The following DNM3 variants were observed in gnomAD, a reference collection of about 807,000 sequenced individuals.
DNM3 encodes dynamin-3.
DNM3 carries 47 observed loss-of-function variants against 101.6 expected under a neutral mutation model. The observed-to-expected ratio is 0.46, with a 90% CI of 0.37 to 0.59. DNM3 has a LOEUF of 0.59. DNM3 is among the 20% of genes least tolerant of loss of function. The probability of loss-of-function intolerance (pLI) is 0.00; values close to 1 mark genes in which losing one functional copy is unlikely to be tolerated. For missense variants in DNM3, 849 were observed against 1,085.7 expected (o/e 0.78, Z 3.06); for synonymous variants, 385 against 387.9 (o/e 0.99, Z 0.09).
At chr1:172,392,414 C>G (rs2069599814) in intron 20 of DNM3, among the ~76,000 whole-genome samples, 1 of 86,244 alleles carries the variant, frequency 1.2e-5, no homozygotes, top group Admixed American at 1.5e-4. Context: ...GTTTGAAAAT[C>G]CAATCCAGTG....
At chr1:172,055,156 A>G (rs2050504230) in intron 10 of DNM3, among the ~76,000 whole-genome samples, 1 of 152,010 alleles carries the variant, frequency 6.6e-6, no homozygotes, top group African/African-American at 2.4e-5. Flanking sequence ...CCTGCTTTTC[A>G]TCTCTAAACT....
intron 13 of DNM3, among the ~76,000 whole-genome samples, chr1:172,107,246 GAAA>G (rs1416897637): frequency 6.6e-6 from 1 of 152,064 alleles, no homozygotes; most frequent in Non-Finnish European, 1.5e-5. Context: ...AAATTAGGGA[GAAA>G]AAAATACTGT....
At chr1:171,877,485 A>C (rs2035887191) in intron 1 of DNM3, among the ~76,000 whole-genome samples, 1 of 152,214 alleles carries the variant, frequency 6.6e-6, no homozygotes, top group African/African-American at 2.4e-5. Flanking sequence ...CTTCGATGGA[A>C]GTCAAGTAGT....
chr1:171,959,287 T>C (rs1173063506), intron 2 of DNM3, among the ~76,000 whole-genome samples: 1 of 152,068 alleles, frequency 6.6e-6, no homozygotes, highest in Non-Finnish European at 1.5e-5. Context: ...ATGTCAAATG[T>C]AGTATTTTGT....
chr1:171,881,441 C>G (rs2036259323), intron 1 of DNM3, among the ~76,000 whole-genome samples: 2 of 152,070 alleles, frequency 1.3e-5, no homozygotes, highest in African/African-American at 4.8e-5. Flanking sequence ...GACGTTTTGT[C>G]TTTTCATGTT....
chr1:171,979,957 A>T (rs765529113), intron 2 of DNM3, among the ~76,000 whole-genome samples: 9 of 152,094 alleles, frequency 5.9e-5, no homozygotes, highest in Admixed American at 5.9e-4. Flanking sequence ...AGAGTACCAG[A>T]GCCCTGATCT....
chr1:172,059,095 A>G (rs1393596767), intron 10 of DNM3, among the ~76,000 whole-genome samples: 1 of 151,934 alleles, frequency 6.6e-6, no homozygotes, highest in Non-Finnish European at 1.5e-5. Context: ...GAAAATCTAG[A>G]AGAAATGGAT....
intron 14 of DNM3, among the ~76,000 whole-genome samples, chr1:172,206,093 T>G (rs2060312610): frequency 6.6e-6 from 1 of 152,150 alleles, no homozygotes; most frequent in African/African-American, 2.4e-5. Flanking sequence ...TTGCATCAAA[T>G]AAGTCTTTAA....
At chr1:172,325,331 A>G (rs1313347386) in intron 17 of DNM3, among the ~76,000 whole-genome samples, 4 of 152,112 alleles carry the variant, frequency 2.6e-5, no homozygotes, top group African/African-American at 4.8e-5. Context: ...TTAGAGGGCG[A>G]GTGTTAGTTG....
At chr1:171,953,106 A>G (rs956903225) in intron 2 of DNM3, among the ~76,000 whole-genome samples, 1 of 152,232 alleles carries the variant, frequency 6.6e-6, no homozygotes, top group African/African-American at 2.4e-5. Flanking sequence ...AAATTGCCAT[A>G]TAAGAGATGA....
intron 4 of DNM3, among the ~76,000 whole-genome samples, chr1:172,011,955 A>G (rs2047156962): frequency 6.6e-6 from 1 of 152,064 alleles, no homozygotes; most frequent in Non-Finnish European, 1.5e-5. Context: ...CTTAAATGTT[A>G]TCACATGCAG....
At chr1:171,871,862 T>C (rs2035314657) in intron 1 of DNM3, among the ~76,000 whole-genome samples, 1 of 98,372 alleles carries the variant, frequency 1.0e-5, no homozygotes, top group South Asian at 2.8e-4. Flanking sequence ...AGTTGTTGTC[T>C]TGTTTTTTTT....
At chr1:171,930,209 AC>A (rs1213769598) in intron 2 of DNM3, among the ~76,000 whole-genome samples, 4 of 151,772 alleles carry the variant, frequency 2.6e-5, no homozygotes, top group Admixed American at 2.6e-4. Context: ...TGGCGAAGTC[AC>A]CCCAACAGCA....
At chr1:171,885,072 G>GT (rs2036640758) in intron 1 of DNM3, among the ~76,000 whole-genome samples, 2 of 152,080 alleles carry the variant, frequency 1.3e-5, no homozygotes, top group South Asian at 4.1e-4. Flanking sequence ...TATCTAGTCC[G>GT]TTTAGCATCC....
At chr1:172,290,564 G>A (rs551525149) in intron 15 of DNM3, among the ~76,000 whole-genome samples, 23 of 152,286 alleles carry the variant, frequency 1.5e-4, no homozygotes, top group African/African-American at 5.3e-4. Flanking sequence ...TCCACTCGCC[G>A]TGAGAAGTGA....
intron 14 of DNM3, among the ~76,000 whole-genome samples, chr1:172,191,836 G>A (rs1369564514): frequency 1.3e-5 from 2 of 152,110 alleles, no homozygotes; most frequent in Non-Finnish European, 2.9e-5. Flanking sequence ...TTGGTGTATA[G>A]GAATGCTTGT....
intron 16 of DNM3, 78 bp downstream of exon 16, chr1:172,308,917 T>C (rs767199340): frequency 6.1e-5 from 46 of 754,576 alleles, no homozygotes; most frequent in Non-Finnish European, 8.9e-5. Flanking sequence ...TACCATAAGC[T>C]GGAGAAACTA....
intron 5 of DNM3, among the ~76,000 whole-genome samples, chr1:172,032,866 A>C (rs1163870182): frequency 6.6e-6 from 1 of 152,084 alleles, no homozygotes; most frequent in Non-Finnish European, 1.5e-5. Context: ...ACTCTCTTAA[A>C]ATGTACACAG....
Position 171,987,678 on chromosome 1 carries a change from C to T in DNM3, c.258C>T (p.Cys86=). Residue 86 remains cysteine, a synonymous_variant, in exon 3 of 21, where the codon TGC becomes TGT. Coordinates refer to ENST00000627582, the MANE Select transcript of DNM3 (RefSeq NM_015569.5). ...TAGAATATGCCGAGTTTCTACATTG[C>T]AAAGGAAAGAAATTTACAGATTTTG... The part of the protein sequence containing the change: ...SKAEYAEFLH[C]KGKKFTDFDE... 6.3e-7 allele frequency: 1 copy of T among 1,587,986 alleles called. No homozygotes were observed. The highest frequency in any genetic ancestry group is 1.2e-5 in the South Asian group (1 of 85,398).
Sources: gnomAD v4.1 joint callset for allele counts (sites outside exome capture counted in the v4.1 genomes callset) on GRCh38, gnomAD v4.1.1 for gene constraint, MANE v1.5 for transcripts, NCBI Gene and HGNC (gene_info 2026-07-23, HGNC 2026-07-21) for gene names.